Variants in TRAPPC9 observed in about 807,000 individuals in gnomAD.
TRAPPC9 encodes trafficking protein particle complex subunit 9.
In TRAPPC9, 83 loss-of-function variants were observed where a neutral mutation model predicts 124.0. The observed-to-expected ratio is 0.67, with a 90% CI of 0.56 to 0.80. The LOEUF is 0.80. TRAPPC9 is among the 30% of genes least tolerant of loss of function. The pLI is 0.00. For missense variants in TRAPPC9, 1,302 were observed against 1,508.3 expected (o/e 0.86, Z 2.27); for synonymous variants, 638 against 617.5 (o/e 1.03, Z -0.49).
chr8:140,301,426 A>G (rs759458842), intron 10 of TRAPPC9, among the ~76,000 whole-genome samples: 2 of 152,218 alleles, frequency 1.3e-5, no homozygotes, highest in Non-Finnish European at 2.9e-5. Flanking sequence ...TATTGTCTCC[A>G]TGTCATCAAT....
chr8:139,841,118 G>A (rs563259072), intron 21 of TRAPPC9, among the ~76,000 whole-genome samples: 185 of 152,256 alleles, frequency 1.2e-3, no homozygotes, highest in African/African-American at 4.3e-3. Flanking sequence ...TCTACCCCTC[G>A]CTTGCCTTTT....
intron 1 of TRAPPC9, chr8:140,456,912 G>T: frequency 2.3e-6 from 2 of 858,848 alleles, no homozygotes; most frequent in South Asian, 1.1e-4. Flanking sequence ...ATTCACGTTG[G>T]GAAGGTCTGC....
intron 7 of TRAPPC9, among the ~76,000 whole-genome samples, chr8:140,377,934 T>C (rs964468072): frequency 6.6e-6 from 1 of 151,680 alleles, no homozygotes; most frequent in African/African-American, 2.4e-5. Flanking sequence ...CACTCCAGCA[T>C]GAGTGACAGA....
At position 139,740,161 on chromosome 8, in the gene TRAPPC9, A is replaced by G. The variant is rs182393641; in HGVS notation, c.3056-7959T>C. Among the ~76,000 whole-genome samples, 3 of 152,318 alleles carry G rather than the reference A, an allele frequency of 2.0e-5. No individual in the cohort carries two copies. In the East Asian group the frequency reaches 5.8e-4, roughly 29 times the overall value. On this transcript the variant is annotated intron_variant, in intron 21 of 22. Coordinates refer to ENST00000438773, the MANE Select transcript of TRAPPC9 (RefSeq NM_001160372.4). ...GTTGTAAGGAATCTCCTGGGAGCCA[A>G]TCAGCCTCCTTCCTCAAGGCGTCAC...
chr8:140,431,009 G>A (rs6981009), intron 4 of TRAPPC9, among the ~76,000 whole-genome samples: 109,391 of 151,978 alleles, frequency 0.72, 40,017 homozygotes, highest in East Asian at 1. Context: ...TCGTCTCTCA[G>A]TTGGTTGTTG....
At chr8:140,059,573 A>C (rs746113059) in intron 17 of TRAPPC9, among the ~76,000 whole-genome samples, 1 of 152,240 alleles carries the variant, frequency 6.6e-6, no homozygotes, top group Non-Finnish European at 1.5e-5. Flanking sequence ...CACCAGCAGT[A>C]CAGGTGCGTT....
intron 17 of TRAPPC9, among the ~76,000 whole-genome samples, chr8:140,069,200 T>C (rs1276957363): frequency 6.6e-6 from 1 of 152,136 alleles, no homozygotes; most frequent in Non-Finnish European, 1.5e-5. Flanking sequence ...GAAAACATAT[T>C]CAATTGAATG....
chr8:140,144,846 G>A (rs772830643), intron 17 of TRAPPC9, among the ~76,000 whole-genome samples: 15 of 151,686 alleles, frequency 9.9e-5, no homozygotes, highest in Non-Finnish European at 1.3e-4. Flanking sequence ...AATTTATGTT[G>A]AATAGAGGAA....
At chr8:139,914,466 G>T (rs11777849) in intron 19 of TRAPPC9, among the ~76,000 whole-genome samples, 1 of 152,164 alleles carries the variant, frequency 6.6e-6, no homozygotes, top group South Asian at 2.1e-4. Context: ...GGTAGGCACC[G>T]GGGCAGCAGC....
At position 140,193,622 on chromosome 8, in the gene TRAPPC9, G is replaced by GAA. The variant is rs72383095; in HGVS notation, c.2556+27835_2556+27836dup. ...GGCAGAAGGGATCTTTGTACTTTCAGAAAAAAAAAAAAAAAAAAAAAAAAG... is the reference window on the plus strand; with the variant it reads ...GGCAGAAGGGATCTTTGTACTTTCAGAAAAAAAAAAAAAAAAAAAAAAAAAAG... On this transcript the variant is annotated intron_variant, in intron 17 of 22. Transcript: ENST00000438773. Among the ~76,000 whole-genome samples the GAA allele has an allele frequency of 2.5e-3, 192 of 77,278 alleles. 4 individuals are homozygous for GAA. Among genetic ancestry groups the GAA allele is most frequent in the East Asian group, 8.5e-3 (17 of 2,000 alleles). The allele number at this position is 77,278 out of a possible 152,430, so 50.7% of individuals were successfully genotyped here.
chr8:139,987,322 G>A (rs942271245), intron 19 of TRAPPC9, among the ~76,000 whole-genome samples: 1 of 152,096 alleles, frequency 6.6e-6, no homozygotes, highest in African/African-American at 2.4e-5. Flanking sequence ...GATAGCCCCA[G>A]ACCTTTTTCC....
At chr8:140,001,746 T>C (rs1408527587) in intron 18 of TRAPPC9, among the ~76,000 whole-genome samples, 2 of 152,032 alleles carry the variant, frequency 1.3e-5, no homozygotes, top group African/African-American at 4.8e-5. Flanking sequence ...ACTACAAAAA[T>C]CCATCCAAGA....
rs899753266 is a variant in TRAPPC9 at position 140,426,624 on chromosome 8, T to C, written c.877A>G (p.Ile293Val). The C allele has an allele frequency of 1.2e-6, 2 of 1,613,394 alleles. No individual in the cohort carries two copies. Among genetic ancestry groups the C allele is most frequent in the Non-Finnish European group, 1.7e-6 (2 of 1,179,516 alleles). Residue 293 changes from isoleucine to valine, a missense_variant, in exon 5 of 23, where the codon ATT (isoleucine) becomes GTT (valine). Around this residue, in one of 3 missense-constraint regions of TRAPPC9, gnomAD observed 657 missense variants for 811.2 expected, o/e 0.81. Coordinates refer to ENST00000438773, the MANE Select transcript of TRAPPC9 (RefSeq NM_001160372.4). ...CACATAGATCATGTACCTGGATCAA[T>C]GAGAACTTCCTGTGCCCCTGGAAGA... The part of the protein sequence containing the change: ...RHRPGAQEVL[I>V]DPGALTTNGI...
Position 139,728,073 on chromosome 8 carries a change from C to T in TRAPPC9, c.*2988G>A, listed in dbSNP as rs1817643275. Among the ~76,000 whole-genome samples the T allele has an allele frequency of 1.3e-5, 2 of 151,992 alleles. No homozygotes were observed. Among genetic ancestry groups the T allele is most frequent in the Admixed American group, 1.3e-4 (2 of 15,254 alleles). On this transcript the variant is annotated 3_prime_UTR_variant, in exon 23 of 23. Transcript: ENST00000438773. Reference sequence around the variant, plus strand: ...ATCAAATAAACTGATATGAAAGTGTCCATGAAATAAGTATTTTTATCTCTA... The same window carrying T: ...ATCAAATAAACTGATATGAAAGTGTTCATGAAATAAGTATTTTTATCTCTA...
At chr8:140,198,947 G>A (rs180740427) in intron 17 of TRAPPC9, among the ~76,000 whole-genome samples, 102 of 152,088 alleles carry the variant, frequency 6.7e-4, no homozygotes, top group Admixed American at 3.9e-3. Context: ...ACAGTGAGAC[G>A]GAAAGAGGGA....
At chr8:140,392,778 T>C (rs908184259) in intron 7 of TRAPPC9, among the ~76,000 whole-genome samples, 2 of 152,206 alleles carry the variant, frequency 1.3e-5, no homozygotes, top group South Asian at 2.1e-4. Flanking sequence ...AGAATATCTG[T>C]ACTGGAAACA....
chr8:140,052,152 C>A (rs1228398014), intron 17 of TRAPPC9, among the ~76,000 whole-genome samples: 4 of 152,068 alleles, frequency 2.6e-5, no homozygotes, highest in Non-Finnish European at 4.4e-5. Context: ...AATGCTAATT[C>A]AAAATTACCA....
At chr8:140,074,243 C>G (rs902725664) in intron 17 of TRAPPC9, among the ~76,000 whole-genome samples, 2 of 152,174 alleles carry the variant, frequency 1.3e-5, no homozygotes, top group African/African-American at 4.8e-5. Flanking sequence ...TCCTCCTACA[C>G]CCCTCCAGCC....
chr8:140,091,846 T>C (rs1563753527), intron 17 of TRAPPC9, among the ~76,000 whole-genome samples: 1 of 152,168 alleles, frequency 6.6e-6, no homozygotes. Context: ...CAACTGTCGG[T>C]GACTCCCTAC....
Sources: allele counts gnomAD v4.1 joint callset (sites outside exome capture counted in the v4.1 genomes callset), GRCh38; gene constraint gnomAD v4.1.1; regional missense constraint gnomAD v4.1.1; transcripts MANE v1.5; gene names NCBI Gene and HGNC (gene_info 2026-07-23, HGNC 2026-07-21).